Variants in ITPK1 observed in about 807,000 individuals in gnomAD.
The protein encoded by ITPK1 is inositol 1,3,4-trisphosphate 5/6-kinase.
Under a neutral mutation model 45.3 loss-of-function variants are expected in ITPK1, and 21 were observed. The ratio of observed to expected loss-of-function variants is 0.46; its 90% confidence interval spans 0.33 to 0.67. ITPK1 has a LOEUF of 0.67. Ranked by LOEUF, ITPK1 falls within the 30% of genes least tolerant of loss-of-function variation. The pLI is 0.02. For missense variants in ITPK1, 474 were observed against 573.5 expected (o/e 0.83, Z 1.77); for synonymous variants, 258 against 253.6 (o/e 1.02, Z -0.16).
intron 4 of ITPK1, among the ~76,000 whole-genome samples, chr14:92,995,482 T>C (rs1887004845): frequency 6.6e-6 from 1 of 152,260 alleles, no homozygotes; most frequent in Admixed American, 6.5e-5. Context: ...ATATTCCCAC[T>C]TCTGCTCTGA....
At position 93,042,367 on chromosome 14, in the gene ITPK1, C is replaced by G. The variant is rs1042080364; in HGVS notation, c.121-25566G>C. Among the ~76,000 whole-genome samples the G allele has an allele frequency of 2.0e-5, 3 of 152,326 alleles. No homozygotes were observed. The East Asian group carries it at 5.8e-4, about 29-fold the overall frequency. Reference sequence around the variant, plus strand: ...AGCCAAGCAGCTTCGACCCTAATCCCTGAGTGGGCCTTGATGCTGGGGGTT... The same window carrying G: ...AGCCAAGCAGCTTCGACCCTAATCCGTGAGTGGGCCTTGATGCTGGGGGTT... On this transcript the variant is annotated intron_variant, in intron 3 of 10. Coordinates refer to ENST00000267615, the MANE Select transcript of ITPK1 (RefSeq NM_014216.6).
At chr14:93,095,503 C>T (rs1266485682) in intron 2 of ITPK1, among the ~76,000 whole-genome samples, 1 of 137,884 alleles carries the variant, frequency 7.3e-6, no homozygotes, top group Admixed American at 7.9e-5. Flanking sequence ...AATGAAGCCG[C>T]TCCAGGACAC....
chr14:92,947,468 G>A (rs1465146747), intron 9 of ITPK1, among the ~76,000 whole-genome samples: 1 of 152,258 alleles, frequency 6.6e-6, no homozygotes, highest in African/African-American at 2.4e-5. Flanking sequence ...CACTGGGAAG[G>A]ATTCTGGAGT....
At chr14:93,001,121 C>T (rs1169089261) in intron 4 of ITPK1, among the ~76,000 whole-genome samples, 3 of 148,766 alleles carry the variant, frequency 2.0e-5, no homozygotes, top group African/African-American at 2.5e-5. Context: ...GGTGAAACCC[C>T]GTCTCTATTA....
chr14:93,113,926 G>A (rs960562731), intron 2 of ITPK1, among the ~76,000 whole-genome samples: 1 of 152,222 alleles, frequency 6.6e-6, no homozygotes, highest in East Asian at 1.9e-4. Flanking sequence ...GGAAAGGCAT[G>A]AGGCACACAG....
chr14:92,979,062 T>C (rs907735076), intron 5 of ITPK1, among the ~76,000 whole-genome samples: 1 of 152,186 alleles, frequency 6.6e-6, no homozygotes, highest in Admixed American at 6.5e-5. Flanking sequence ...TGCCCAAGTC[T>C]TGTGAGCCCA....
chr14:92,991,643 G>A (rs570723719), intron 5 of ITPK1, among the ~76,000 whole-genome samples: 38 of 152,170 alleles, frequency 2.5e-4, no homozygotes, highest in African/African-American at 7.5e-4. Context: ...CAAGCCAGGC[G>A]AGCGGGCAAC....
At chr14:93,094,692 G>C (rs1891995923) in intron 2 of ITPK1, among the ~76,000 whole-genome samples, 1 of 152,214 alleles carries the variant, frequency 6.6e-6, no homozygotes, top group East Asian at 1.9e-4. Context: ...TTCACCACTT[G>C]ACGAGCATGT....
intron 3 of ITPK1, chr14:93,066,304 G>T: frequency 2.2e-6 from 1 of 452,552 alleles, no homozygotes; most frequent in South Asian, 1.6e-5. Flanking sequence ...GTGTGCGCGT[G>T]CATGTGTGTG....
At chr14:93,052,990 A>AGGGGGGGGGGGG (rs1890079898) in intron 3 of ITPK1, among the ~76,000 whole-genome samples, 1 of 95,346 alleles carries the variant, frequency 1.0e-5, no homozygotes, top group Non-Finnish European at 2.2e-5. Flanking sequence ...GGAGGGGGGA[A>AGGGGGGGGGGGG]GGGGGAGGGA....
At chr14:93,099,401 C>G (rs142908711) in intron 2 of ITPK1, among the ~76,000 whole-genome samples, 221 of 152,266 alleles carry the variant, frequency 1.5e-3, no homozygotes, top group African/African-American at 5.0e-3. Flanking sequence ...TTGTTTAGCT[C>G]CAGAACACAT....
chr14:92,985,618 A>G (rs1486310699), intron 5 of ITPK1, among the ~76,000 whole-genome samples: 1 of 151,958 alleles, frequency 6.6e-6, no homozygotes, highest in Admixed American at 6.6e-5. Context: ...CCAGGTACAC[A>G]TTTGCAAACA....
At chr14:93,099,940 A>G (rs1892244273) in intron 2 of ITPK1, among the ~76,000 whole-genome samples, 1 of 152,162 alleles carries the variant, frequency 6.6e-6, no homozygotes, top group South Asian at 2.1e-4. Flanking sequence ...CTGGGTCCAG[A>G]GCTGGAAGCT....
intron 3 of ITPK1, chr14:93,067,611 C>G (rs1241714214): frequency 2.0e-5 from 3 of 152,106 alleles, no homozygotes; most frequent in Non-Finnish European, 4.4e-5. Context: ...TGAAACCACT[C>G]AGAGTATGAC....
chr14:93,052,701 C>A (rs1036975323), intron 3 of ITPK1, among the ~76,000 whole-genome samples: 15 of 152,184 alleles, frequency 9.9e-5, no homozygotes, highest in Non-Finnish European at 1.9e-4. Flanking sequence ...CCTGCCCGCA[C>A]CACCACCCTC....
intron 8 of ITPK1, among the ~76,000 whole-genome samples, chr14:92,957,106 T>A (rs186385826): frequency 1.3e-5 from 2 of 152,314 alleles, no homozygotes; most frequent in Non-Finnish European, 2.9e-5. Flanking sequence ...CTGCAGCCCC[T>A]CCATGCCGGG....
intron 10 of ITPK1, among the ~76,000 whole-genome samples, chr14:92,944,000 CACATTCTTATCAGCA>C: frequency 6.6e-6 from 1 of 152,368 alleles, no homozygotes; most frequent in Admixed American, 6.5e-5. Flanking sequence ...CCCCCAGCCT[CACATTCTTATCAGCA>C]ACACAGAGAT....
chr14:93,107,165 C>G (rs1333727255), intron 2 of ITPK1, among the ~76,000 whole-genome samples: 1 of 152,080 alleles, frequency 6.6e-6, no homozygotes, highest in Admixed American at 6.6e-5. Flanking sequence ...ACCATGTTGC[C>G]CAGGCTGGTC....
In ITPK1 at chr14:92,946,505, C is replaced by T. The variant is rs370773485; in HGVS notation, c.739-12G>A. Reference sequence around the variant, plus strand: ...TCGATCTTGTCCAGCTGCCAACATACACAAGGAAGTCAGGCCATGGGCCGA... The same window carrying T: ...TCGATCTTGTCCAGCTGCCAACATATACAAGGAAGTCAGGCCATGGGCCGA... On this transcript the variant is annotated splice_polypyrimidine_tract_variant and intron_variant, in intron 9 of 10. Transcript: ENST00000267615. 6.2e-7 allele frequency: 1 copy of T among 1,611,640 alleles called. No homozygotes were observed. Among genetic ancestry groups the T allele is most frequent in the Non-Finnish European group, 8.5e-7 (1 of 1,179,612 alleles).
Sources: allele counts gnomAD v4.1 joint callset (sites outside exome capture counted in the v4.1 genomes callset), GRCh38; gene constraint gnomAD v4.1.1; transcripts MANE v1.5; gene names NCBI Gene and HGNC (gene_info 2026-07-23, HGNC 2026-07-21).